Variants in TINAGL1 observed in about 807,000 individuals in gnomAD.
TINAGL1 encodes the protein tubulointerstitial nephritis antigen like 1.
A neutral mutation model predicts 62.0 loss-of-function variants in TINAGL1; 34 were observed. The ratio of observed to expected loss-of-function variants is 0.55; its 90% CI spans 0.42 to 0.73. The LOEUF is 0.73. Ranked by LOEUF, TINAGL1 falls within the 30% of genes least tolerant of loss-of-function variation. The probability of loss-of-function intolerance (pLI) is 0.00; values close to 1 mark genes in which losing one functional copy is unlikely to be tolerated. For missense variants in TINAGL1, 516 were observed against 653.2 expected, an observed-to-expected ratio of 0.79 and a Z score of 2.29; for synonymous variants, 221 against 249.7, an observed-to-expected ratio of 0.88 and a Z score of 1.08.
At chr1:31,580,314 T>TACCACCGGCCCTGCC (rs1639209042) in intron 3 of TINAGL1, 1 of 1,261,588 alleles carries the variant, frequency 7.9e-7, no homozygotes, top group East Asian at 5.7e-5. Context: ...TGGGACCTGC[T>TACCACCGGCCCTGCC]ACCACCGGCC....
intron 2 of TINAGL1, chr1:31,578,061 C>T (rs1460287155): frequency 2.7e-5 from 20 of 729,806 alleles, no homozygotes; most frequent in Non-Finnish European, 3.0e-5. Flanking sequence ...CATGCTCCTC[C>T]CACTCCCCAT....
chr1:31,581,466 A>G (rs1014282585), intron 3 of TINAGL1, among the ~76,000 whole-genome samples: 43 of 152,150 alleles, frequency 2.8e-4, no homozygotes, highest in African/African-American at 9.9e-4. Context: ...GGCGGACACC[A>G]CAGACCACCT....
rs1639417509 is a variant in TINAGL1, at chr1:31,587,095, G to T, written c.*116G>T. The T allele has an allele frequency of 6.1e-6, 8 of 1,315,374 alleles. No homozygotes were observed. The East Asian group carries it at 2.2e-4, about 36-fold the overall frequency. The allele number at this position is 1,315,374 out of a possible 1,614,324, so 81.5% of individuals were successfully genotyped here. On this transcript the variant is annotated 3_prime_UTR_variant, in exon 12 of 12. Transcript: ENST00000271064. Reference sequence around the variant, plus strand: ...GACAGAGCCCGGGGCGCAGGCGGGCGCCAGGGCGCTAATCCCGGCGCGGGT... The same window carrying T: ...GACAGAGCCCGGGGCGCAGGCGGGCTCCAGGGCGCTAATCCCGGCGCGGGT...
In TINAGL1 at chr1:31,585,010, T is replaced by C. The variant is rs780580855; in HGVS notation, c.831T>C (p.Gly277=). 6.2e-7 allele frequency: 1 copy of C among 1,607,008 alleles called. No homozygotes were observed. The highest frequency in any genetic ancestry group is 1.1e-5 in the South Asian group (1 of 90,662). ...QQGCRGGRLD[G]AWWFLRRRGV... is the part of the protein sequence containing the mutation. ...GCTGCCGCGGTGGGCGTCTCGATGG[T>C]GCCTGGTGGTTCCTGCGTCGCCGAG... Residue 277 remains glycine, a synonymous_variant, in exon 7 of 12, where the codon GGT becomes GGC. Transcript: ENST00000271064. The surrounding 1 kb of genome is among the most constrained non-coding windows in gnomAD (Gnocchi z 4.3).
At chr1:31,580,560 C>A (rs756666430) in intron 3 of TINAGL1, 1 of 1,289,166 alleles carries the variant, frequency 7.8e-7, no homozygotes, top group Non-Finnish European at 1.0e-6. Context: ...AAAGCCTTCC[C>A]GGCCCTGCAG....
rs1015266966 is a variant in TINAGL1 at position 31,579,266 on chromosome 1, T to A, written c.373T>A (p.Cys125Ser). Residue 125 changes from cysteine (C) to serine (S), a missense_variant and splice_region_variant, in exon 3 of 12, where the codon TGC becomes AGC. Transcript: ENST00000271064. ...AACGTACTGGGACAACTGTAACCGT[T>A]GGTGAGTGTTTGGAGCTTAGAGGGG... ...LGTYWDNCNR[C>S]TCQENRQWQC... is the part of the protein sequence containing the mutation. 2 of 1,613,888 alleles carry A rather than the reference T, an allele frequency of 1.2e-6. No individual in the cohort carries two copies. Among genetic ancestry groups the A allele is most frequent in the African/African-American group, 2.7e-5 (2 of 74,910 alleles).
In TINAGL1 at chr1:31,576,977, A is replaced by C. The variant is rs1570184668; in HGVS notation, c.-15-157A>C. Reference sequence around the variant, plus strand: ...CCCCATCCCCCTATAGCCAGGGCCCACACACTGGGGCTCCTCTGCCCGTGT... The same window carrying C: ...CCCCATCCCCCTATAGCCAGGGCCCCCACACTGGGGCTCCTCTGCCCGTGT... On this transcript the variant is annotated intron_variant, in intron 1 of 11. Transcript: ENST00000271064. This position sits in a 1 kb window ranked among gnomAD's most constrained non-coding sequence, Gnocchi z 5.1. The C allele has an allele frequency of 3.0e-6, 2 of 656,756 alleles. No homozygotes were observed. Among genetic ancestry groups the C allele is most frequent in the East Asian group, 5.7e-5 (2 of 34,786 alleles). The allele number at this position is 656,756 out of a possible 1,614,324, so 40.7% of individuals were successfully genotyped here.
chr1:31,578,223 G>A (rs1639053946), intron 2 of TINAGL1: 2 of 943,388 alleles, frequency 2.1e-6, no homozygotes, highest in South Asian at 9.7e-5. Context: ...TTCAGTTATA[G>A]TTTAATTTCA....
rs1432642837 is a variant in TINAGL1, at chr1:31,586,874, G to A, written c.1299G>A (p.Glu433=). ...AANSWGPAWG[E]RGHFRIVRGV... ...ACTCCTGGGGCCCAGCCTGGGGCGAGAGGGGCCACTTCCGCATCGTGCGCG... is the reference window on the plus strand; with the variant it reads ...ACTCCTGGGGCCCAGCCTGGGGCGAAAGGGGCCACTTCCGCATCGTGCGCG... The change falls in exon 12 of 12, where the codon GAG becomes GAA. Residue 433 remains glutamate (E), a synonymous_variant. Transcript: ENST00000271064. 6.4e-7 allele frequency: 1 copy of A among 1,554,982 alleles called. No homozygotes were observed. The highest frequency in any genetic ancestry group is 8.7e-7 in the Non-Finnish European group (1 of 1,149,912).
At position 31,585,981 on chromosome 1, in the gene TINAGL1, TC is replaced by T; in HGVS notation, c.1217+106del. ...AACCTCTCTAAAAAGCCAGGACTGC[TC>T]TCATCATTTCAATAGGGAGAAAACT... On this transcript the variant is annotated intron_variant, in intron 10 of 11. Coordinates refer to ENST00000271064, the MANE Select transcript of TINAGL1 (RefSeq NM_022164.3). This position sits in a 1 kb window ranked among gnomAD's most constrained non-coding sequence, Gnocchi z 4.3. 7.3e-7 allele frequency: 1 copy of T among 1,366,664 alleles called. No individual in the cohort carries two copies. Among genetic ancestry groups the T allele is most frequent in the Non-Finnish European group, 9.7e-7 (1 of 1,036,084 alleles). 84.7% of individuals were successfully genotyped at this position (1,366,664 alleles called of 1,614,324 possible).
chr1:31,576,661 G>A lies in TINAGL1; in HGVS notation c.-16+66G>A. 1 of 155,874 alleles carries A rather than the reference G, an allele frequency of 6.4e-6. No individual in the cohort carries two copies. 9.7% of individuals were successfully genotyped at this position (155,874 alleles called of 1,614,324 possible). On this transcript the variant is annotated intron_variant, in intron 1 of 11. Transcript: ENST00000271064. The surrounding 1 kb of genome is among the most constrained non-coding windows in gnomAD (Gnocchi z 5.1). Reference sequence around the variant, plus strand: ...AGAGAAGAAACAGGGGGAGGGGGCAGGTAGAGGAACCAAGACAGATGGCAG... The same window carrying A: ...AGAGAAGAAACAGGGGGAGGGGGCAAGTAGAGGAACCAAGACAGATGGCAG...
Position 31,587,197 on chromosome 1 carries a change from G to A in TINAGL1, c.*218G>A, listed in dbSNP as rs1367998853. On this transcript the variant is annotated 3_prime_UTR_variant, in exon 12 of 12. Transcript: ENST00000271064. ...AGCCCCCAGACCTCCCAGTGGGGAC[G>A]GGGCAGGGCCTGGCCTGGGAAGAGC... The A allele has an allele frequency of 4.9e-6, 3 of 612,392 alleles. No individual in the cohort carries two copies. The highest frequency in any genetic ancestry group is 2.4e-6 in the Non-Finnish European group (1 of 418,980). The allele number at this position is 612,392 out of a possible 1,614,324, so 37.9% of individuals were successfully genotyped here. A position where few individuals can be genotyped will look rare whatever the true frequency, so the allele number is the denominator to read the frequency against.
chr1:31,578,460 A>T (rs1178522581), intron 2 of TINAGL1, among the ~76,000 whole-genome samples: 20 of 84,232 alleles, frequency 2.4e-4, no homozygotes, highest in Non-Finnish European at 3.4e-4. Context: ...TGTGTGTGTG[A>T]TGTCTTCAGT....
At position 31,577,428 on chromosome 1, in the gene TINAGL1, G is replaced by A. The variant is rs776894696; in HGVS notation, c.280G>A (p.Gly94Ser). Residue 94 changes from glycine to serine, a missense_variant, in exon 2 of 12, where the codon GGC becomes AGC. By Grantham distance (56) the Gly-to-Ser change is moderately conservative (BLOSUM62 0). Coordinates refer to ENST00000271064, the MANE Select transcript of TINAGL1 (RefSeq NM_022164.3). The surrounding 1 kb of genome is among the most constrained non-coding windows in gnomAD (Gnocchi z 5.4). ...CCPDFWDFCL[G>S]VPPPFPPIQG... ...CCCTGACTTCTGGGACTTCTGCCTC[G>A]GCGTGCCACCCCCTTTTCCCCCGAT... 5.6e-6 allele frequency: 9 copies of A among 1,612,998 alleles called. No individual in the cohort carries two copies. The highest frequency in any genetic ancestry group is 4.0e-5 in the African/African-American group (3 of 74,890).
chr1:31,586,026 G>C (rs1639382408), intron 10 of TINAGL1, 150 bp downstream of exon 10: 1 of 1,152,190 alleles, frequency 8.7e-7, no homozygotes, highest in Non-Finnish European at 1.2e-6. Flanking sequence ...GAAAGAGAAA[G>C]GACTTGCCCT....
chr1:31,583,794 T>C lies in TINAGL1; in HGVS notation c.582+219T>C, dbSNP rs1639311538. On this transcript the variant is annotated intron_variant, in intron 5 of 11. Coordinates refer to ENST00000271064, the MANE Select transcript of TINAGL1 (RefSeq NM_022164.3). The surrounding 1 kb of genome is among the most constrained non-coding windows in gnomAD (Gnocchi z 4.4). Reference sequence around the variant, plus strand: ...ATGCTCAGATTGAATTTCGTGGTCTTGGCATCAGCTCCCCCCTGATCTCTC... The same window carrying C: ...ATGCTCAGATTGAATTTCGTGGTCTCGGCATCAGCTCCCCCCTGATCTCTC... 18 of 573,430 alleles carry C rather than the reference T, an allele frequency of 3.1e-5. No homozygotes were observed. In the South Asian group the frequency reaches 3.7e-4, roughly 12 times the overall value. The allele number at this position is 573,430 out of a possible 1,614,324, so 35.5% of individuals were successfully genotyped here.
intron 3 of TINAGL1, chr1:31,580,740 C>G (rs1475770410): frequency 1.6e-6 from 2 of 1,245,544 alleles, no homozygotes; most frequent in Non-Finnish European, 2.1e-6. Context: ...GAGTTATGAG[C>G]TTGTAAAAGC....
Position 31,577,143 on chromosome 1 carries a change from G to T in TINAGL1, c.-6G>T, listed in dbSNP as rs781766613. 3.3e-6 allele frequency: 5 copies of T among 1,506,034 alleles called. No individual in the cohort carries two copies. The highest frequency in any genetic ancestry group is 4.3e-5 in the Admixed American group (2 of 46,020). 93.3% of individuals were successfully genotyped at this position (1,506,034 alleles called of 1,614,324 possible). The stretch of plus-strand genomic sequence containing the variant: ...CATCTCTGCCCCCCAGGGCCCAGGA[G>T]CCACCATGTGGCGATGTCCACTGGG... On this transcript the variant is annotated 5_prime_UTR_variant, in exon 2 of 12. Transcript: ENST00000271064. The surrounding 1 kb of genome is among the most constrained non-coding windows in gnomAD (Gnocchi z 5.4).
At chr1:31,580,191 C>CTCTCTCTCTG (rs1639189083) in intron 3 of TINAGL1, 7 of 418,238 alleles carry the variant, frequency 1.7e-5, no homozygotes, top group Admixed American at 1.4e-4. Flanking sequence ...CTCTCTCTCT[C>CTCTCTCTCTG]TCTCTCTCTC....
Sources: gnomAD v4.1 joint callset for allele counts (sites outside exome capture counted in the v4.1 genomes callset) on GRCh38, gnomAD v4.1.1 for gene constraint, Gnocchi (gnomAD v3.1) non-coding constraint, MANE v1.5 for transcripts, NCBI Gene and HGNC (gene_info 2026-07-23, HGNC 2026-07-21) for gene names.